The following SLC38A4 variants were observed in gnomAD, a reference collection of about 807,000 sequenced individuals.
The protein encoded by SLC38A4 is solute carrier family 38 member 4.
Under a neutral mutation model 63.1 loss-of-function variants are expected in SLC38A4, and 20 were observed. The observed-to-expected ratio is 0.32, with a 90% CI of 0.22 to 0.46. The LOEUF (loss-of-function observed/expected upper bound fraction) is 0.46. Ranked by LOEUF, SLC38A4 falls within the 20% of genes least tolerant of loss-of-function variation. SLC38A4 has a pLI of 1.00. For missense variants in SLC38A4, 526 were observed against 663.6 expected, an observed-to-expected ratio of 0.79 and a Z score of 2.28; for synonymous variants, 230 against 225.5, an observed-to-expected ratio of 1.02 and a Z score of -0.18.
At chr12:46,774,826 T>G (rs547381867) in intron 14 of SLC38A4, among the ~76,000 whole-genome samples, 65 of 152,152 alleles carry the variant, frequency 4.3e-4, no homozygotes, top group African/African-American at 1.5e-3. Flanking sequence ...AAAATAAGTT[T>G]TATGATTTTT....
At position 46,787,822 on chromosome 12, in the gene SLC38A4, C is replaced by T. The variant is rs931721388; in HGVS notation, c.326+94G>A. 2.4e-5 allele frequency: 21 copies of T among 883,362 alleles called. No homozygotes were observed. The East Asian group carries it at 3.4e-4, about 14-fold the overall frequency. 54.7% of individuals were successfully genotyped at this position (883,362 alleles called of 1,614,324 possible). ...ATGATTAGCCTCCTCTGAGTCTTCA[C>T]GTTCACAAAGATCAAACTTGAGATT... On this transcript the variant is annotated intron_variant, in intron 5 of 16. Transcript: ENST00000266579.
upstream of SLC38A4, among the ~76,000 whole-genome samples, chr12:46,830,944 C>T (rs901633983): frequency 6.6e-6 from 1 of 152,242 alleles, no homozygotes; most frequent in Non-Finnish European, 1.5e-5. Flanking sequence ...GCATCACTGC[C>T]TCCTGCACTC....
intron 3 of SLC38A4, 126 bp downstream of exon 3, chr12:46,792,827 G>T: frequency 1.4e-6 from 1 of 698,744 alleles, no homozygotes; most frequent in Non-Finnish European, 2.6e-6. Context: ...TGATGTGCTA[G>T]CATCAATATC....
At chr12:46,797,489 A>G (rs1225073555) in intron 2 of SLC38A4, among the ~76,000 whole-genome samples, 2 of 152,138 alleles carry the variant, frequency 1.3e-5, no homozygotes, top group East Asian at 3.9e-4. Context: ...TATACCAGCA[A>G]CATCCTGTTT....
intron 2 of SLC38A4, among the ~76,000 whole-genome samples, chr12:46,793,674 G>A (rs1938940205): frequency 6.6e-6 from 1 of 152,138 alleles, no homozygotes; most frequent in South Asian, 2.1e-4. Flanking sequence ...ACCACCAAAT[G>A]CTTGATAATA....
intron 2 of SLC38A4, among the ~76,000 whole-genome samples, chr12:46,801,458 C>T (rs1340876852): frequency 6.6e-6 from 1 of 151,968 alleles, no homozygotes; most frequent in African/African-American, 2.4e-5. Context: ...TTTATTTTAC[C>T]TGATAAGTGA....
upstream of SLC38A4, among the ~76,000 whole-genome samples, chr12:46,828,755 G>A (rs1939692500): frequency 6.6e-6 from 1 of 152,194 alleles, no homozygotes; most frequent in Admixed American, 6.5e-5. Context: ...TAGGTGCTAG[G>A]AAGATAGGAA....
chr12:46,803,368 A>T (rs1939169857), intron 2 of SLC38A4, among the ~76,000 whole-genome samples: 1 of 152,022 alleles, frequency 6.6e-6, no homozygotes, highest in African/African-American at 2.4e-5. Context: ...TCACTGTCCT[A>T]ATTTTATGTT....
At chr12:46,783,277 A>G (rs1172764976) in intron 7 of SLC38A4, among the ~76,000 whole-genome samples, 1 of 139,456 alleles carries the variant, frequency 7.2e-6, no homozygotes, top group Non-Finnish European at 1.6e-5. Context: ...AGATAGATAA[A>G]GATAGATAGA....
chr12:46,813,937 C>T (rs1939386517), intron 1 of SLC38A4, among the ~76,000 whole-genome samples: 3 of 151,986 alleles, frequency 2.0e-5, no homozygotes, highest in Admixed American at 2.0e-4. Context: ...AAAGAATTGT[C>T]TCTGACTTCA....
rs139147464 is a variant in SLC38A4 at position 46,769,029 on chromosome 12, C to T, written c.1444+255G>A. ...CCTGGGTCCACACCAAGGTATATGA[C>T]TTGACTTTTATAGGGGTCAGTTTCC... On this transcript the variant is annotated intron_variant, in intron 15 of 16. Coordinates refer to ENST00000266579, the MANE Select transcript of SLC38A4 (RefSeq NM_018018.5). 1.2e-3 allele frequency among the ~76,000 whole-genome samples: 181 copies of T among 152,160 alleles called. 1 individual carries two copies. The highest frequency in any genetic ancestry group is 2.2e-3 in the Non-Finnish European group (147 of 67,994).
chr12:46,797,861 T>C (rs1939049145), intron 2 of SLC38A4, among the ~76,000 whole-genome samples: 1 of 152,180 alleles, frequency 6.6e-6, no homozygotes, highest in African/African-American at 2.4e-5. Context: ...TCTTCCAATG[T>C]TTCCATTCCA....
chr12:46,772,607 T>C (rs1938442304), intron 14 of SLC38A4, among the ~76,000 whole-genome samples: 1 of 152,078 alleles, frequency 6.6e-6, no homozygotes, highest in Non-Finnish European at 1.5e-5. Context: ...ACTACCTTAA[T>C]TCATTTCATT....
At chr12:46,829,327 G>A (rs547848952), upstream of SLC38A4, among the ~76,000 whole-genome samples, 2 of 152,122 alleles carry the variant, frequency 1.3e-5, no homozygotes, top group African/African-American at 4.8e-5. Context: ...CAATTGATAG[G>A]TGGAAGCACA....
chr12:46,773,256 A>C (rs1262866234), intron 14 of SLC38A4, among the ~76,000 whole-genome samples: 2 of 152,046 alleles, frequency 1.3e-5, no homozygotes, highest in East Asian at 1.9e-4. Context: ...AAGACAAAGC[A>C]AGATTCATTT....
rs543947125 is a variant in SLC38A4, at chr12:46,788,450, C to T, written c.210+78G>A. The T allele has an allele frequency of 1.4e-5, 16 of 1,173,388 alleles. No individual in the cohort carries two copies. In the Admixed American group the frequency reaches 2.2e-4, roughly 16 times the overall value. 72.7% of individuals were successfully genotyped at this position (1,173,388 alleles called of 1,614,324 possible). A position where few individuals can be genotyped will look rare whatever the true frequency, so the allele number is the denominator to read the frequency against. On this transcript the variant is annotated intron_variant, in intron 4 of 16. Transcript: ENST00000266579. ...ATCAAGGCTTGGAAAATTTCAGTCA[C>T]ATTGTTTTCCCACAGAGACCTAGGT...
chr12:46,810,303 T>C lies in SLC38A4; in HGVS notation c.-304-6509A>G, dbSNP rs569647109. Among the ~76,000 whole-genome samples, 64 of 151,940 alleles carry C rather than the reference T, an allele frequency of 4.2e-4. 1 individual carries two copies. Among genetic ancestry groups the C allele is most frequent in the African/African-American group, 1.5e-3 (63 of 41,494 alleles). ...TAAGGTCCCTATGTTGTTTCAAAGA[T>C]TATGTTGTTCTCACTCATAAGTGGG... On this transcript the variant is annotated intron_variant, in intron 1 of 16. Coordinates refer to ENST00000266579, the MANE Select transcript of SLC38A4 (RefSeq NM_018018.5).
chr12:46,828,509 G>A (rs998340225), upstream of SLC38A4, among the ~76,000 whole-genome samples: 4 of 152,132 alleles, frequency 2.6e-5, no homozygotes, highest in Non-Finnish European at 4.4e-5. Context: ...TTTTAGTAGA[G>A]ATGGTGTTTC....
intron 1 of SLC38A4, among the ~76,000 whole-genome samples, chr12:46,809,353 CAG>C (rs924045230): frequency 6.6e-6 from 1 of 152,040 alleles, no homozygotes; most frequent in Non-Finnish European, 1.5e-5. Context: ...GGAATCTGAG[CAG>C]AGAGAGAGAA....
Sources: gnomAD v4.1 joint callset for allele counts (sites outside exome capture counted in the v4.1 genomes callset) on GRCh38, gnomAD v4.1.1 for gene constraint, MANE v1.5 for transcripts, NCBI Gene and HGNC (gene_info 2026-07-23, HGNC 2026-07-21) for gene names.